Variants in F9 observed in about 807,000 individuals in gnomAD.
F9 encodes the protein coagulation factor IX.
A neutral mutation model predicts 34.1 loss-of-function variants in F9; 2 were observed. That is an observed-to-expected ratio of 0.06 (90% CI 0.02 to 0.18). F9 has a LOEUF of 0.18. Ranked by LOEUF, F9 falls within the 10% of genes least tolerant of loss-of-function variation. F9 has a pLI of 1.00. For missense variants in F9, 216 were observed against 345.1 expected (o/e 0.63, Z 2.96); for synonymous variants, 137 against 118.8 (o/e 1.15, Z -1.00).
chrX:139,543,351 CT>C (rs1230888780), intron 4 of F9, among the ~76,000 whole-genome samples: 1 of 111,342 alleles, frequency 9.0e-6, no homozygotes, highest in Admixed American at 9.6e-5. Flanking sequence ...CCAAATATCT[CT>C]CAGATAAATG....
chrX:139,536,305 A>G (rs1456490650), intron 1 of F9, among the ~76,000 whole-genome samples: 2 of 107,650 alleles, frequency 1.9e-5, no homozygotes, highest in Admixed American at 1.0e-4. Context: ...AGAGAGAGAG[A>G]GGAGAGGAGA....
At chrX:139,549,000 C>A (rs773289686) in intron 5 of F9, among the ~76,000 whole-genome samples, 3 of 111,261 alleles carry the variant, frequency 2.7e-5, no homozygotes, top group Non-Finnish European at 5.7e-5. Flanking sequence ...TTATGTTCTG[C>A]TAGGCTGATC....
At chrX:139,558,883 C>T (rs960543591) in intron 6 of F9, among the ~76,000 whole-genome samples, 2 of 111,600 alleles carry the variant, frequency 1.8e-5, no homozygotes, top group Admixed American at 1.9e-4. Context: ...ATAAGGATCC[C>T]CAGATGATTC....
chrX:139,537,882 T>A (rs4149683), intron 3 of F9, among the ~76,000 whole-genome samples: 22 of 111,187 alleles, frequency 2.0e-4, no homozygotes, highest in African/African-American at 7.2e-4. Context: ...TTGCACACTC[T>A]AGGAATGCTC....
intron 1 of F9, among the ~76,000 whole-genome samples, chrX:139,534,216 A>C (rs1014333558): frequency 1.7e-4 from 19 of 111,789 alleles, no homozygotes; most frequent in African/African-American, 5.9e-4. Context: ...CCAACATGAA[A>C]GGAGTAGGGA....
chrX:139,535,759 ATG>A (rs1255058863), intron 1 of F9, among the ~76,000 whole-genome samples: 2 of 111,360 alleles, frequency 1.8e-5, no homozygotes, highest in African/African-American at 3.3e-5. Context: ...ACACAAACAC[ATG>A]TGTGTGTATA....
intron 4 of F9, among the ~76,000 whole-genome samples, chrX:139,541,836 T>G (rs1392298341): frequency 8.9e-6 from 1 of 112,102 alleles, no homozygotes; most frequent in Non-Finnish European, 1.9e-5. Context: ...CTTGTGTACC[T>G]TTTCTTCTCA....
chrX:139,554,209 C>T (rs1321167311), intron 6 of F9, among the ~76,000 whole-genome samples: 3 of 111,697 alleles, frequency 2.7e-5, no homozygotes, highest in African/African-American at 9.8e-5. Flanking sequence ...AGTTATTGTA[C>T]CTGTTGTCTT....
intron 7 of F9, among the ~76,000 whole-genome samples, chrX:139,561,292 A>G (rs1460800783): frequency 1.8e-5 from 2 of 112,160 alleles, no homozygotes; most frequent in Admixed American, 9.5e-5. Flanking sequence ...ATTATCACCA[A>G]TGAAAGGCTT....
chrX:139,541,158 C>G lies in F9; in HGVS notation c.360C>G (p.Pro120=), dbSNP rs1438515366. ...DDINSYECWC[P]FGFEGKNCEL... ...TTAATTCCTATGAATGTTGGTGTCC[C>G]TTTGGATTTGAAGGAAAGAACTGTG... Residue 120 remains proline (P), a synonymous_variant, in exon 4 of 8, where the codon CCC becomes CCG. Coordinates refer to ENST00000218099, the MANE Select transcript of F9 (RefSeq NM_000133.4). The G allele has an allele frequency of 8.4e-7, 1 of 1,195,678 alleles. No individual in the cohort carries two copies. Among genetic ancestry groups the G allele is most frequent in the African/African-American group, 1.7e-5 (1 of 57,319 alleles).
chrX:139,559,331 G>A (rs762252129), intron 6 of F9, among the ~76,000 whole-genome samples: 5 of 112,549 alleles, frequency 4.4e-5, no homozygotes, highest in Non-Finnish European at 9.4e-5. Context: ...AAGGCGGGCG[G>A]ATCACGAGGT....
Position 139,541,111 on chromosome X carries a change from G to T in F9, c.313G>T (p.Gly105Cys). ...DQCESNPCLN[G>C]GSCKDDINSY... is the part of the protein sequence containing the mutation. ...GTGTGAGTCCAATCCATGTTTAAAT[G>T]GCGGCAGTTGCAAGGATGACATTAA... Residue 105 changes from glycine (G) to cysteine (C), a missense_variant, in exon 4 of 8, where the codon GGC (glycine) becomes TGC (cysteine). This residue lies in a region of F9 where 177 missense variants were observed against 311.8 expected (regional missense o/e 0.57). Coordinates refer to ENST00000218099, the MANE Select transcript of F9 (RefSeq NM_000133.4). 1 of 1,200,398 alleles carries T rather than the reference G, an allele frequency of 8.3e-7. No homozygotes were observed. The highest frequency in any genetic ancestry group is 1.8e-5 in the South Asian group (1 of 56,727).
intron 1 of F9, among the ~76,000 whole-genome samples, chrX:139,535,748 C>A (rs754122442): frequency 2.7e-5 from 3 of 111,176 alleles, no homozygotes; most frequent in Non-Finnish European, 5.7e-5. Flanking sequence ...TACATGAAAA[C>A]ACACAAACAC....
intron 3 of F9, among the ~76,000 whole-genome samples, 164 bp downstream of exon 3, chrX:139,537,550 T>C (rs1198825216): frequency 9.0e-6 from 1 of 111,570 alleles, no homozygotes; most frequent in African/African-American, 3.3e-5. Context: ...TACAGGGTTA[T>C]GCCAGTGTGG....
rs189716627 is a variant in F9, at chrX:139,559,414, A to G, written c.724-1327A>G. On this transcript the variant is annotated intron_variant, in intron 6 of 7. Coordinates refer to ENST00000218099, the MANE Select transcript of F9 (RefSeq NM_000133.4). ...CTAAAAATACAAAAATTAACTGGGC[A>G]TGGTGGCATGCGCCTGTAGTCCCAG... Among the ~76,000 whole-genome samples the G allele has an allele frequency of 1.9e-3, 216 of 111,388 alleles. 1 individual carries two copies. Among genetic ancestry groups the G allele is most frequent in the Middle Eastern group, 9.3e-3 (2 of 216 alleles).
At chrX:139,556,886 G>C (rs1927979453) in intron 6 of F9, among the ~76,000 whole-genome samples, 1 of 112,239 alleles carries the variant, frequency 8.9e-6, no homozygotes, top group African/African-American at 3.2e-5. Context: ...ATATGAGTGA[G>C]AGCAAACACT....
At chrX:139,547,604 T>A (rs1224371538) in intron 4 of F9, 1 of 111,368 alleles carries the variant, frequency 9.0e-6, no homozygotes, top group East Asian at 2.8e-4. Context: ...AAAAGGCATG[T>A]TTATGTCACC....
chrX:139,547,391 G>C (rs1927740556), intron 4 of F9: 1 of 111,505 alleles, frequency 9.0e-6, no homozygotes, highest in Non-Finnish European at 1.9e-5. Context: ...AAGGACTCCT[G>C]TTCAGCAAAA....
rs199844858 is a variant in F9, at chrX:139,560,851, C to T, written c.834C>T (p.Val278=). ...CVETGVKITV[V]AGEHNIEETE... is the part of the protein sequence containing the mutation. ...AAACTGGTGTTAAAATTACAGTTGT[C>T]GCAGGTAAATACACAGAAAGAATAA... Residue 278 remains valine, a synonymous_variant, in exon 7 of 8, where the codon GTC becomes GTT. Transcript: ENST00000218099. 1.1e-5 allele frequency: 13 copies of T among 1,164,839 alleles called. No homozygotes were observed. The highest frequency in any genetic ancestry group is 5.4e-5 in the South Asian group (3 of 55,735).
Sources: allele counts gnomAD v4.1 joint callset (sites outside exome capture counted in the v4.1 genomes callset), GRCh38; gene constraint gnomAD v4.1.1; regional missense constraint gnomAD v4.1.1; transcripts MANE v1.5; gene names NCBI Gene and HGNC (gene_info 2026-07-23, HGNC 2026-07-21).